DNAJC10: variants seen among roughly 807,000 people sequenced by gnomAD.
DNAJC10 encodes DnaJ heat shock protein family (Hsp40) member C10.
DNAJC10 carries 101 observed loss-of-function variants against 115.0 expected under a neutral mutation model. The observed-to-expected ratio is 0.88, with a 90% CI of 0.75 to 1.04. DNAJC10 has a LOEUF of 1.04. DNAJC10 is among the 50% of genes least tolerant of loss of function. The probability of loss-of-function intolerance (pLI) is 0.00; values close to 1 mark genes in which losing one functional copy is unlikely to be tolerated. For synonymous variants in DNAJC10, 307 were observed against 301.5 expected (o/e 1.02, Z -0.19); for missense variants, 981 against 928.8 (o/e 1.06, Z -0.73).
intron 11 of DNAJC10, among the ~76,000 whole-genome samples, chr2:182,738,417 G>C (rs1693640251): frequency 1.3e-5 from 2 of 152,150 alleles, no homozygotes; most frequent in African/African-American, 4.8e-5. Flanking sequence ...TGGGCTTCAT[G>C]ATAGAAAATT....
intron 22 of DNAJC10, among the ~76,000 whole-genome samples, chr2:182,771,275 G>C (rs1314899883): frequency 1.3e-5 from 2 of 152,036 alleles, no homozygotes; most frequent in Non-Finnish European, 1.5e-5. Context: ...CAGGGATATT[G>C]GTCTAAAATT....
intron 14 of DNAJC10, among the ~76,000 whole-genome samples, chr2:182,747,272 G>T (rs544074233): frequency 0.039 from 5,962 of 151,460 alleles, 123 homozygotes; most frequent in Middle Eastern, 0.079. Context: ...GTGAAGAAAG[G>T]CATTGGTAGC....
At chr2:182,732,279 GGAGA>G (rs1474580945) in intron 9 of DNAJC10, among the ~76,000 whole-genome samples, 1 of 151,634 alleles carries the variant, frequency 6.6e-6, no homozygotes, top group African/African-American at 2.4e-5. Flanking sequence ...GAAATTAAAG[GGAGA>G]GAATGAAAGA....
chr2:182,742,927 A>G (rs1574934693), intron 13 of DNAJC10, among the ~76,000 whole-genome samples: 1 of 151,022 alleles, frequency 6.6e-6, no homozygotes, highest in African/African-American at 2.4e-5. Flanking sequence ...GCTCACTGCA[A>G]CCTCCGCCTC....
intron 23 of DNAJC10, 30 bp downstream of exon 23, chr2:182,775,450 C>A: frequency 7.1e-7 from 1 of 1,417,844 alleles, no homozygotes; most frequent in Non-Finnish European, 9.9e-7. Flanking sequence ...TTGACTTTGG[C>A]AAAAGTTGGC....
At position 182,752,177 on chromosome 2, in the gene DNAJC10, C is replaced by G. The variant is rs1430301706; in HGVS notation, c.1540C>G (p.Leu514Val). The G allele has an allele frequency of 2.0e-6, 3 of 1,538,318 alleles. No individual in the cohort carries two copies. The highest frequency in any genetic ancestry group is 2.7e-6 in the Non-Finnish European group (3 of 1,130,818). The change falls in exon 16 of 24, where the codon CTC (leucine) becomes GTC (valine). Residue 514 changes from leucine (L) to valine (V), a missense_variant. Transcript: ENST00000264065. ...GTLDCTVHEGLCNMYNIQAYP... is the reference protein window; with the variant it reads ...GTLDCTVHEGVCNMYNIQAYP... ...ACTAGATTGTACAGTTCATGAGGGA[C>G]TCTGTAACATGGTAAGGCAAAGTAT...
At chr2:182,761,196 A>G (rs563474422) in intron 21 of DNAJC10, among the ~76,000 whole-genome samples, 16 of 152,298 alleles carry the variant, frequency 1.1e-4, no homozygotes, top group African/African-American at 3.4e-4. Context: ...TAATTGCTAC[A>G]GTAAAATTAG....
Position 182,741,325 on chromosome 2 carries a change from T to C in DNAJC10, c.1160T>C (p.Leu387Pro). 6.3e-7 allele frequency: 1 copy of C among 1,586,690 alleles called. No individual in the cohort carries two copies. The highest frequency in any genetic ancestry group is 8.6e-7 in the Non-Finnish European group (1 of 1,163,664). Residue 387 changes from leucine to proline, a missense_variant, in exon 13 of 24, where the codon CTA becomes CCA. By Grantham distance (98) the Leu-to-Pro change is moderately conservative. Coordinates refer to ENST00000264065, the MANE Select transcript of DNAJC10 (RefSeq NM_018981.4). ...TCAAATGATCCTGAGCTGAAAAAAC[T>C]AAAAACTCTACTTAAAAATGATCAT... Reference protein sequence around the residue: ...ENSNDPELKKLKTLLKNDHIQ... With the variant: ...ENSNDPELKKPKTLLKNDHIQ...
chr2:182,718,495 C>A (rs1693058238), intron 3 of DNAJC10, among the ~76,000 whole-genome samples: 1 of 152,116 alleles, frequency 6.6e-6, no homozygotes, highest in Non-Finnish European at 1.5e-5. Context: ...AAATTCAGTT[C>A]CCTCTTAATT....
intron 22 of DNAJC10, among the ~76,000 whole-genome samples, chr2:182,770,140 T>C (rs893713406): frequency 6.6e-6 from 1 of 152,226 alleles, no homozygotes; most frequent in Non-Finnish European, 1.5e-5. Flanking sequence ...TGTGGTGTTA[T>C]TTCTGAGGGC....
At chr2:182,732,855 T>C in intron 10 of DNAJC10, 2 of 345,198 alleles carry the variant, frequency 5.8e-6, no homozygotes, top group Non-Finnish European at 1.0e-5. Context: ...TGTTTTCTTT[T>C]TTAGTCATTT....
Position 182,788,383 on chromosome 2 carries a change from CT to C in DNAJC10, c.*11253del, listed in dbSNP as rs1694988537. 1 of 200,246 alleles carries C rather than the reference CT, an allele frequency of 5.0e-6. No individual in the cohort carries two copies. The highest frequency in any genetic ancestry group is 8.9e-5 in the South Asian group (1 of 11,230). The allele number at this position is 200,246 out of a possible 1,614,324, so 12.4% of individuals were successfully genotyped here. ...AGGATGAAAATTCACCAAACGAGCT[CT>C]TATACTTTGGTTACCTATGTACCTG... On this transcript the variant is annotated 3_prime_UTR_variant, in exon 24 of 24. Transcript: ENST00000264065.
Position 182,792,592 on chromosome 2 carries a change from A to G in DNAJC10, c.*15460A>G, listed in dbSNP as rs149705249. 1 of 152,296 alleles carries G rather than the reference A, an allele frequency of 6.6e-6. No homozygotes were observed. The highest frequency in any genetic ancestry group is 1.5e-5 in the Non-Finnish European group (1 of 68,028). 9.4% of individuals were successfully genotyped at this position (152,296 alleles called of 1,614,324 possible). A position where few individuals can be genotyped will look rare whatever the true frequency, so the allele number is the denominator to read the frequency against. On this transcript the variant is annotated 3_prime_UTR_variant, in exon 24 of 24. Transcript: ENST00000264065. ...CTATTGGCTTAAGCAGTCCATCTAAATGCATGCCAGTTTCTTTCTTGATAA... is the reference window on the plus strand; with the variant it reads ...CTATTGGCTTAAGCAGTCCATCTAAGTGCATGCCAGTTTCTTTCTTGATAA...
intron 22 of DNAJC10, among the ~76,000 whole-genome samples, chr2:182,773,488 C>G (rs1020399750): frequency 6.6e-6 from 1 of 152,174 alleles, no homozygotes; most frequent in Non-Finnish European, 1.5e-5. Context: ...TTTGGTCTTT[C>G]CACAGAGTCC....
In DNAJC10 at chr2:182,779,957, A is replaced by T. The variant is rs1296159112; in HGVS notation, c.*2825A>T. On this transcript the variant is annotated 3_prime_UTR_variant, in exon 24 of 24. Transcript: ENST00000264065. Reference sequence around the variant, plus strand: ...TAAATCTGCCAACAAAACCAGATAGATGTCTTAAAGTAGGCACATTTATTC... The same window carrying T: ...TAAATCTGCCAACAAAACCAGATAGTTGTCTTAAAGTAGGCACATTTATTC... The T allele has an allele frequency of 6.6e-6, 1 of 152,218 alleles. No individual in the cohort carries two copies. The highest frequency in any genetic ancestry group is 1.5e-5 in the Non-Finnish European group (1 of 68,034). The allele number at this position is 152,218 out of a possible 1,614,324, so 9.4% of individuals were successfully genotyped here.
At chr2:182,752,985 A>G (rs548208939) in intron 16 of DNAJC10, among the ~76,000 whole-genome samples, 2 of 152,332 alleles carry the variant, frequency 1.3e-5, no homozygotes, top group South Asian at 4.1e-4. Context: ...GAAAGAGATA[A>G]TTGGGGAAAT....
At chr2:182,746,205 A>G (rs1693861963) in intron 14 of DNAJC10, among the ~76,000 whole-genome samples, 1 of 152,182 alleles carries the variant, frequency 6.6e-6, no homozygotes, top group South Asian at 2.1e-4. Flanking sequence ...ATACGTGTGC[A>G]TGTGTCTTTG....
At chr2:182,738,908 C>T (rs1013658267) in intron 11 of DNAJC10, among the ~76,000 whole-genome samples, 1 of 151,962 alleles carries the variant, frequency 6.6e-6, no homozygotes, top group Non-Finnish European at 1.5e-5. Context: ...AATTCAGAGG[C>T]TAGATAAGAC....
chr2:182,784,912 C>T lies in DNAJC10; in HGVS notation c.*7780C>T, dbSNP rs1694919312. On this transcript the variant is annotated 3_prime_UTR_variant, in exon 24 of 24. Coordinates refer to ENST00000264065, the MANE Select transcript of DNAJC10 (RefSeq NM_018981.4). ...TAGATGGCAGTGAAAAATAAGCAGA[C>T]ACATTTTTCTGATAAAATGCCATTT... The T allele has an allele frequency of 6.6e-6, 1 of 152,134 alleles. No homozygotes were observed. The highest frequency in any genetic ancestry group is 1.5e-5 in the Non-Finnish European group (1 of 68,022). 9.4% of individuals were successfully genotyped at this position (152,134 alleles called of 1,614,324 possible). A position where few individuals can be genotyped will look rare whatever the true frequency, so the allele number is the denominator to read the frequency against.
Sources: gnomAD v4.1 joint callset for allele counts (sites outside exome capture counted in the v4.1 genomes callset) on GRCh38, gnomAD v4.1.1 for gene constraint, MANE v1.5 for transcripts, NCBI Gene and HGNC (gene_info 2026-07-23, HGNC 2026-07-21) for gene names.